The following OCM variants were observed in gnomAD, a reference collection of about 807,000 sequenced individuals.
The protein encoded by OCM is oncomodulin-1.
In OCM, 18 loss-of-function variants were observed where a neutral mutation model predicts 14.1. The observed-to-expected ratio is 1.28, with a 90% CI of 0.88 to 1.89. OCM has a LOEUF of 1.89. Among genes scored for constraint, OCM ranks in the 40% most tolerant of loss-of-function variants. The probability of loss-of-function intolerance (pLI) is 0.00; values close to 1 mark genes in which losing one functional copy is unlikely to be tolerated. For synonymous variants in OCM, 48 were observed against 51.0 expected (o/e 0.94, Z 0.25); for missense variants, 140 against 137.6 (o/e 1.02, Z -0.09).
At chr7:5,884,976 C>T (rs979387764) in intron 3 of OCM, among the ~76,000 whole-genome samples, 7 of 151,802 alleles carry the variant, frequency 4.6e-5, no homozygotes, top group Admixed American at 6.6e-5. Flanking sequence ...AAAAATTAGC[C>T]GGTCATGGTG....
chr7:5,872,769 C>G, the OCM span, among the ~76,000 whole-genome samples: 1 of 152,138 alleles, frequency 6.6e-6, no homozygotes, highest in Non-Finnish European at 1.5e-5. Context: ...CCTAGGAAAA[C>G]CAGAGACCTT....
chr7:5,878,341 G>A (rs1018994927), upstream of OCM, among the ~76,000 whole-genome samples: 1 of 151,980 alleles, frequency 6.6e-6, no homozygotes, highest in South Asian at 2.1e-4. Flanking sequence ...GGGCAGTTGT[G>A]GCAGCTCAGT....
the OCM span, among the ~76,000 whole-genome samples, chr7:5,860,581 C>CGTATATATACGTGTATATATACGTGT: frequency 5.0e-5 from 3 of 59,820 alleles, 1 homozygote; most frequent in Non-Finnish European, 8.9e-5. Context: ...ATATATATTA[C>CGTATATATACGTGTATATATACGTGT]GTATATATAC....
intron 3 of OCM, among the ~76,000 whole-genome samples, chr7:5,884,616 C>T (rs1366616500): frequency 6.6e-6 from 1 of 151,702 alleles, no homozygotes; most frequent in Non-Finnish European, 1.5e-5. Flanking sequence ...TGCTAGCGTG[C>T]TTTTTAACTG....
chr7:5,869,870 C>G, the OCM span, among the ~76,000 whole-genome samples: 370 of 152,246 alleles, frequency 2.4e-3, 1 homozygote, highest in African/African-American at 8.3e-3. Context: ...TGCTCCCGCC[C>G]CTGACATTGG....
the OCM span, among the ~76,000 whole-genome samples, chr7:5,863,997 G>A: frequency 7.2e-5 from 11 of 152,046 alleles, no homozygotes; most frequent in African/African-American, 2.4e-4. Flanking sequence ...AGACATGTTG[G>A]GGTTTGAGAA....
upstream of OCM, chr7:5,880,752 C>G (rs1373312206): frequency 1.4e-6 from 1 of 730,958 alleles, no homozygotes; most frequent in Non-Finnish European, 2.2e-6. Context: ...GAGTGAGACT[C>G]CGTCTTAATT....
chr7:5,865,129 C>G, the OCM span, among the ~76,000 whole-genome samples: 629 of 152,246 alleles, frequency 4.1e-3, 1 homozygote, highest in Middle Eastern at 6.8e-3. Context: ...ATCCAGTCAC[C>G]CTGAGCCCCA....
the OCM span, among the ~76,000 whole-genome samples, chr7:5,863,732 C>T: frequency 1.3e-5 from 2 of 151,980 alleles, no homozygotes; most frequent in African/African-American, 4.8e-5. Flanking sequence ...TGGGGTTTCA[C>T]CATGTTGGCC....
chr7:5,866,480 A>AT, the OCM span, among the ~76,000 whole-genome samples: 1 of 150,114 alleles, frequency 6.7e-6, no homozygotes, highest in African/African-American at 2.5e-5. Flanking sequence ...AAGAAGAAAG[A>AT]AAAGGAAGTT....
At chr7:5,876,429 G>C (rs1339141084), upstream of OCM, among the ~76,000 whole-genome samples, 4 of 152,332 alleles carry the variant, frequency 2.6e-5, no homozygotes, top group East Asian at 7.7e-4. Flanking sequence ...GAGATTACAG[G>C]CATGAGCCAC....
At chr7:5,861,149 C>T in the OCM span, among the ~76,000 whole-genome samples, 3 of 152,010 alleles carry the variant, frequency 2.0e-5, no homozygotes, top group South Asian at 2.1e-4. Flanking sequence ...GAGTGCAGTG[C>T]GGTGGCTCAC....
intron 2 of OCM, among the ~76,000 whole-genome samples, chr7:5,883,332 CAG>C (rs1225792781): frequency 6.6e-6 from 1 of 152,000 alleles, no homozygotes. Flanking sequence ...GCCTGGGTGA[CAG>C]AGAGAGACTC....
upstream of OCM, among the ~76,000 whole-genome samples, chr7:5,874,995 A>G (rs1781065370): frequency 6.6e-6 from 1 of 150,714 alleles, no homozygotes. Context: ...GGTACCTCAT[A>G]TTACTGGAAT....
At chr7:5,878,333 G>A (rs1452534120), upstream of OCM, among the ~76,000 whole-genome samples, 1 of 151,972 alleles carries the variant, frequency 6.6e-6, no homozygotes, top group Non-Finnish European at 1.5e-5. Context: ...GGGGAACAGG[G>A]CAGTTGTGGC....
the OCM span, among the ~76,000 whole-genome samples, chr7:5,873,958 G>A: frequency 1.3e-5 from 2 of 151,582 alleles, no homozygotes; most frequent in African/African-American, 4.9e-5. Flanking sequence ...GCTCACACCT[G>A]TAATCACAGC....
chr7:5,869,289 G>A, the OCM span, among the ~76,000 whole-genome samples: 1 of 151,924 alleles, frequency 6.6e-6, no homozygotes, highest in South Asian at 2.1e-4. Flanking sequence ...TTGGCAGCTG[G>A]AGTCTTAAAA....
chr7:5,860,509 T>C, the OCM span, among the ~76,000 whole-genome samples: 1 of 136,614 alleles, frequency 7.3e-6, no homozygotes, highest in Non-Finnish European at 1.6e-5. Flanking sequence ...ATTACGTATA[T>C]ATACGTGTAT....
chr7:5,878,122 G>A (rs1227913414), upstream of OCM, among the ~76,000 whole-genome samples: 2 of 150,846 alleles, frequency 1.3e-5, no homozygotes, highest in Non-Finnish European at 3.0e-5. Context: ...AGGCTACCAC[G>A]CCCAGCTAAT....
Sources: allele counts gnomAD v4.1 joint callset (sites outside exome capture counted in the v4.1 genomes callset), GRCh38; gene constraint gnomAD v4.1.1; transcripts MANE v1.5; gene names NCBI Gene and HGNC (gene_info 2026-07-23, HGNC 2026-07-21).